UNC45B: variants seen among roughly 807,000 people sequenced by gnomAD.
UNC45B encodes the protein unc-45 myosin chaperone B, also known as protein unc-45 homolog B.
Under a neutral mutation model 98.7 loss-of-function variants are expected in UNC45B, and 78 were observed. The observed-to-expected ratio is 0.79, with a 90% CI of 0.66 to 0.95. The LOEUF (loss-of-function observed/expected upper bound fraction) is 0.95. Among genes scored for constraint, UNC45B ranks in the 40% least tolerant of loss-of-function variants. UNC45B has a pLI of 0.00. For synonymous variants in UNC45B, 462 were observed against 480.4 expected, an observed-to-expected ratio of 0.96 and a Z score of 0.50; for missense variants, 1,225 against 1,184.9, an observed-to-expected ratio of 1.03 and a Z score of -0.50.
intron 4 of UNC45B, among the ~76,000 whole-genome samples, chr17:35,152,021 G>C (rs2092023395): frequency 6.6e-6 from 1 of 152,220 alleles, no homozygotes; most frequent in Admixed American, 6.5e-5. Flanking sequence ...CGAGGTTGGT[G>C]AATCACCTGA....
At chr17:35,180,762 G>A (rs1054736004) in intron 18 of UNC45B, 86 bp downstream of exon 18, 23 of 987,272 alleles carry the variant, frequency 2.3e-5, no homozygotes, top group East Asian at 2.0e-4. Flanking sequence ...GAGATCGGGA[G>A]CTCTTATGAT....
rs549219332 is a variant in UNC45B, at chr17:35,158,472, T to C, written c.809-903T>C. On this transcript the variant is annotated intron_variant, in intron 7 of 19. Transcript: ENST00000394570. ...GGTCACATAAGCAGCCCAGGGCCAG[T>C]GTTGGAGGAGATTACCCAAGAGCAT... 2.0e-5 allele frequency among the ~76,000 whole-genome samples: 3 copies of C among 152,332 alleles called. No homozygotes were observed. The East Asian group carries it at 5.8e-4, about 29-fold the overall frequency.
At position 35,174,319 on chromosome 17, in the gene UNC45B, G is replaced by A. The variant is rs1567765295; in HGVS notation, c.1908G>A (p.Val636=). The A allele has an allele frequency of 6.2e-7, 1 of 1,614,222 alleles. No homozygotes were observed. Among genetic ancestry groups the A allele is most frequent in the Non-Finnish European group, 8.5e-7 (1 of 1,180,046 alleles). The part of the protein sequence containing the change: ...AGVISALACM[V]KADSAILTDQ... ...TCATCTCTGCCCTGGCTTGCATGGT[G>A]AAAGCAGATAGTGCCATCCTCACTG... is the stretch of plus-strand genomic sequence containing the variant. Residue 636 remains valine (V), a synonymous_variant, in exon 14 of 20, where the codon GTG becomes GTA. Transcript: ENST00000394570.
In UNC45B at chr17:35,159,422, C is replaced by G. The variant is rs202024311; in HGVS notation, c.856C>G (p.Leu286Val). 180 of 1,614,110 alleles carry G rather than the reference C, an allele frequency of 1.1e-4. No homozygotes were observed. Among genetic ancestry groups the G allele is most frequent in the Non-Finnish European group, 1.4e-4 (168 of 1,179,990 alleles). Residue 286 changes from leucine (L) to valine (V), a missense_variant, in exon 8 of 20, where the codon CTA (leucine) becomes GTA (valine). Physicochemically the swap from Leu to Val is conservative, Grantham distance 32 (BLOSUM62 1). Coordinates refer to ENST00000394570, the MANE Select transcript of UNC45B (RefSeq NM_001267052.2). ...KQITSHLLDM[L>V]VSKKVSGQGR... ...GATCACCAGCCACCTGCTGGACATG[C>G]TAGTCAGCAAGAAGGTGTCTGGCCA...
At chr17:35,175,563 G>T (rs190412874) in intron 14 of UNC45B, among the ~76,000 whole-genome samples, 77 of 152,306 alleles carry the variant, frequency 5.1e-4, no homozygotes, top group Admixed American at 1.6e-3. Context: ...GAGAGAGAAT[G>T]AGTGAATTTG....
intron 3 of UNC45B, 132 bp downstream of exon 3, chr17:35,149,141 AG>A: frequency 9.1e-7 from 1 of 1,097,374 alleles, no homozygotes; most frequent in Non-Finnish European, 1.4e-6. Context: ...AACAAGCTGG[AG>A]AAGGGACTGG....
At chr17:35,154,888 G>A in intron 6 of UNC45B, 147 bp downstream of exon 6, 1 of 957,652 alleles carries the variant, frequency 1.0e-6, no homozygotes, top group South Asian at 2.2e-5. Flanking sequence ...CTTTCAGTTG[G>A]AAATGGGTTT....
chr17:35,174,287 G>A lies in UNC45B; in HGVS notation c.1876G>A (p.Ala626Thr), dbSNP rs1360033012. ...CATGCGGGTGAAGCGGCTTCTGAAG[G>A]CGGGTGTCATCTCTGCCCTGGCTTG... is the stretch of plus-strand genomic sequence containing the variant. ...IDMRVKRLLK[A>T]GVISALACMV... The change falls in exon 14 of 20, where the codon GCG becomes ACG. Residue 626 changes from alanine (A) to threonine (T), a missense_variant. Transcript: ENST00000394570. The A allele has an allele frequency of 1.9e-6, 3 of 1,614,080 alleles. No individual in the cohort carries two copies. The highest frequency in any genetic ancestry group is 1.3e-5 in the African/African-American group (1 of 74,912).
chr17:35,172,429 A>T (rs1002331658), intron 13 of UNC45B, among the ~76,000 whole-genome samples: 2 of 152,096 alleles, frequency 1.3e-5, no homozygotes, highest in Non-Finnish European at 2.9e-5. Flanking sequence ...TTGTGTTTTC[A>T]GTAGAAACAG....
Position 35,159,530 on chromosome 17 carries a change from T to C in UNC45B, c.964T>C (p.Tyr322His), listed in dbSNP as rs2092087937. 6.2e-7 allele frequency: 1 copy of C among 1,613,924 alleles called. No individual in the cohort carries two copies. ...LAIHDNSRTIYVVDNGLRKIL... is the reference protein window; with the variant it reads ...LAIHDNSRTIHVVDNGLRKIL... The stretch of plus-strand genomic sequence containing the variant: ...CATTCATGACAACTCACGTACCATC[T>C]ATGTGGTGGATAATGGTGAGAAGAG... Residue 322 changes from tyrosine to histidine, a missense_variant, in exon 8 of 20, where the codon TAT (tyrosine) becomes CAT (histidine). By Grantham distance (83) the Tyr-to-His change is moderately conservative. Transcript: ENST00000394570.
Position 35,188,692 on chromosome 17 carries a change from G to A in UNC45B, c.*2133G>A, listed in dbSNP as rs1452836762. 6.6e-6 allele frequency: 1 copy of A among 152,068 alleles called. No individual in the cohort carries two copies. The highest frequency in any genetic ancestry group is 1.5e-5 in the Non-Finnish European group (1 of 68,006). 9.4% of individuals were successfully genotyped at this position (152,068 alleles called of 1,614,324 possible). On this transcript the variant is annotated 3_prime_UTR_variant, in exon 20 of 20. Coordinates refer to ENST00000394570, the MANE Select transcript of UNC45B (RefSeq NM_001267052.2). Reference sequence around the variant, plus strand: ...GGGTCTCACTATGTTGCCCAGTCTGGGAGACCACATTCTTTAACATGAATA... The same window carrying A: ...GGGTCTCACTATGTTGCCCAGTCTGAGAGACCACATTCTTTAACATGAATA...
chr17:35,169,954 GC>G, intron 11 of UNC45B, 23 bp downstream of exon 11: 1 of 1,613,758 alleles, frequency 6.2e-7, no homozygotes, highest in Non-Finnish European at 8.5e-7. Context: ...TGTTTCCCAG[GC>G]CCTCCATCTC....
At chr17:35,178,995 T>C (rs1489264993) in intron 17 of UNC45B, among the ~76,000 whole-genome samples, 16 of 152,320 alleles carry the variant, frequency 1.1e-4, no homozygotes, top group Non-Finnish European at 1.5e-5. Context: ...TGATGATGCC[T>C]CCAGCTTTGT....
rs942242105 is a variant in UNC45B, at chr17:35,165,922, G to T, written c.1151+1756G>T. On this transcript the variant is annotated intron_variant, in intron 9 of 19. Transcript: ENST00000394570. ...CCACTGCACTCCAGCCTGGGTGACA[G>T]AGCAAGTCTCCATCTCAAAAAGAAA... Among the ~76,000 whole-genome samples the T allele has an allele frequency of 2.0e-5, 3 of 151,516 alleles. No individual in the cohort carries two copies. In the East Asian group the frequency reaches 5.8e-4, roughly 29 times the overall value.
chr17:35,156,343 T>A lies in UNC45B; in HGVS notation c.808+879T>A, dbSNP rs185714386. Among the ~76,000 whole-genome samples the A allele has an allele frequency of 3.9e-3, 589 of 152,264 alleles. 5 individuals are homozygous for A. The highest frequency in any genetic ancestry group is 0.014 in the African/African-American group (577 of 41,556). ...ACTGAACACTTAAAAATGGTTAAAA[T>A]GGGGCCAGGTGCAGCGACTCACTCC... is the stretch of plus-strand genomic sequence containing the variant. On this transcript the variant is annotated intron_variant, in intron 7 of 19. Transcript: ENST00000394570.
chr17:35,159,212 T>C (rs541003691), intron 7 of UNC45B, among the ~76,000 whole-genome samples, 163 bp from the exon 8 acceptor site: 1 of 152,266 alleles, frequency 6.6e-6, no homozygotes, highest in African/African-American at 2.4e-5. Context: ...TTTCTCTCCC[T>C]TTTTCCAGGT....
intron 15 of UNC45B, 53 bp from the exon 16 acceptor site, chr17:35,176,964 C>G: frequency 3.4e-6 from 5 of 1,450,930 alleles, no homozygotes; most frequent in Non-Finnish European, 3.8e-6. Context: ...GGAGGATAGG[C>G]GAGAAGCCTC....
intron 5 of UNC45B, among the ~76,000 whole-genome samples, chr17:35,153,711 GTT>G (rs74268004): frequency 7.2e-6 from 1 of 139,708 alleles, no homozygotes; most frequent in African/African-American, 2.6e-5. Context: ...TGTTTATTTG[GTT>G]TTTTTTTTTT....
rs532206422 is a variant in UNC45B at position 35,168,449 on chromosome 17, G to A, written c.1452+88G>A. On this transcript the variant is annotated intron_variant, in intron 10 of 19. Transcript: ENST00000394570. Reference sequence around the variant, plus strand: ...CCAAAATGAATGAGTTGAGGCTGCTGTCCTTGAGGAGACCAGGTTCAAGGG... The same window carrying A: ...CCAAAATGAATGAGTTGAGGCTGCTATCCTTGAGGAGACCAGGTTCAAGGG... 230 of 1,191,776 alleles carry A rather than the reference G, an allele frequency of 1.9e-4. No homozygotes were observed. The African/African-American group carries it at 3.1e-3, about 16-fold the overall frequency. The allele number at this position is 1,191,776 out of a possible 1,614,324, so 73.8% of individuals were successfully genotyped here.
Sources: allele counts gnomAD v4.1 joint callset (sites outside exome capture counted in the v4.1 genomes callset), GRCh38; gene constraint gnomAD v4.1.1; transcripts MANE v1.5; gene names NCBI Gene and HGNC (gene_info 2026-07-23, HGNC 2026-07-21).